EYS: variants seen among roughly 807,000 people sequenced by gnomAD.
EYS encodes protein eyes shut homolog.
Under a neutral mutation model 282.1 loss-of-function variants are expected in EYS, and 250 were observed. That is an observed-to-expected ratio of 0.89 (90% CI 0.80 to 0.98). The LOEUF (loss-of-function observed/expected upper bound fraction) is 0.98. Ranked by LOEUF, EYS falls within the 50% of genes least tolerant of loss-of-function variation. EYS has a pLI of 0.00. For synonymous variants in EYS, 1,355 were observed against 1,282.9 expected (o/e 1.06, Z -1.20); for missense variants, 4,016 against 3,709.0 (o/e 1.08, Z -2.15).
chr6:64,594,760 C>T (rs1381610413), intron 24 of EYS, among the ~76,000 whole-genome samples: 4 of 151,352 alleles, frequency 2.6e-5, no homozygotes, highest in Admixed American at 1.3e-4. Flanking sequence ...TTAATGGGTG[C>T]AGCACACCAA....
At chr6:64,428,896 T>A (rs1774496360) in intron 28 of EYS, among the ~76,000 whole-genome samples, 1 of 152,122 alleles carries the variant, frequency 6.6e-6, no homozygotes, top group Non-Finnish European at 1.5e-5. Context: ...GTACAATAGC[T>A]TCCCAGTAAT....
At chr6:65,536,108 T>C (rs998907558) in intron 2 of EYS, among the ~76,000 whole-genome samples, 1 of 152,004 alleles carries the variant, frequency 6.6e-6, no homozygotes, top group African/African-American at 2.4e-5. Flanking sequence ...TACATTCAAG[T>C]AAATATGGGG....
At chr6:63,826,845 C>CAAAAAAAAAAAAAAAAAAGAAAAAAAA (rs1771475758) in intron 36 of EYS, among the ~76,000 whole-genome samples, 41 of 76,732 alleles carry the variant, frequency 5.3e-4, no homozygotes, top group Non-Finnish European at 8.0e-4. Context: ...AGTTAAAAAG[C>CAAAAAAAAAAAAAAAAAAGAAAAAAAA]AAAAAAAAAA....
chr6:65,329,549 C>T, intron 11 of EYS: 1 of 982,610 alleles, frequency 1.0e-6, no homozygotes, highest in Non-Finnish European at 1.2e-6. Flanking sequence ...CAATATGACA[C>T]TTTCATATGC....
intron 26 of EYS, among the ~76,000 whole-genome samples, chr6:64,466,909 T>A (rs1775939150): frequency 6.6e-6 from 1 of 152,032 alleles, no homozygotes; most frequent in Non-Finnish European, 1.5e-5. Context: ...TCTAAAAAAA[T>A]CTGTTAATCT....
At chr6:65,217,990 G>C (rs1766359844) in intron 12 of EYS, among the ~76,000 whole-genome samples, 7 of 152,058 alleles carry the variant, frequency 4.6e-5, no homozygotes, top group Admixed American at 4.6e-4. Context: ...TCCATTGAGA[G>C]ATCTTGGTAA....
At chr6:63,851,831 T>C (rs1772258732) in intron 36 of EYS, among the ~76,000 whole-genome samples, 1 of 151,810 alleles carries the variant, frequency 6.6e-6, no homozygotes, top group African/African-American at 2.4e-5. Flanking sequence ...AGAGCAGAAC[T>C]GAAGGAGATA....
intron 12 of EYS, among the ~76,000 whole-genome samples, chr6:65,110,730 A>G (rs775887219): frequency 6.6e-6 from 1 of 152,120 alleles, no homozygotes; most frequent in Admixed American, 6.6e-5. Context: ...TTGACATATA[A>G]GGTACATGGA....
chr6:64,599,885 T>C (rs1766708713), intron 24 of EYS, among the ~76,000 whole-genome samples: 1 of 152,168 alleles, frequency 6.6e-6, no homozygotes, highest in Non-Finnish European at 1.5e-5. Context: ...TAAAACAATC[T>C]TGTACTCTGA....
At chr6:65,332,658 G>A (rs1769838210) in intron 11 of EYS, among the ~76,000 whole-genome samples, 2 of 151,078 alleles carry the variant, frequency 1.3e-5, no homozygotes, top group South Asian at 4.1e-4. Flanking sequence ...AAAATGAGTT[G>A]GGAAATGTTC....
intron 1 of EYS, among the ~76,000 whole-genome samples, chr6:65,672,290 G>A (rs1325670999): frequency 6.6e-6 from 1 of 151,996 alleles, no homozygotes; most frequent in African/African-American, 2.4e-5. Flanking sequence ...AGGCCAATGA[G>A]GAGAAAAAGA....
At chr6:63,872,123 C>G (rs1342364860) in intron 35 of EYS, among the ~76,000 whole-genome samples, 2 of 152,206 alleles carry the variant, frequency 1.3e-5, no homozygotes, top group Non-Finnish European at 2.9e-5. Context: ...GGAATTCTAG[C>G]AAGTTCAGCA....
chr6:64,007,649 C>G (rs899831773), intron 33 of EYS, among the ~76,000 whole-genome samples: 2 of 152,136 alleles, frequency 1.3e-5, no homozygotes, highest in African/African-American at 2.4e-5. Flanking sequence ...CCTCTTATCA[C>G]TGCTTTAGCT....
chr6:64,839,624 A>T (rs541475884), intron 19 of EYS, among the ~76,000 whole-genome samples: 96 of 152,144 alleles, frequency 6.3e-4, no homozygotes, highest in African/African-American at 2.3e-3. Context: ...ATAATTATAT[A>T]CTTGAGCCTA....
intron 33 of EYS, among the ~76,000 whole-genome samples, chr6:64,029,967 A>G (rs1291042364): frequency 6.6e-6 from 1 of 152,234 alleles, no homozygotes; most frequent in Non-Finnish European, 1.5e-5. Flanking sequence ...GTTATTGCAC[A>G]CAATGCAAAA....
rs1238129791 is a variant in EYS at position 65,663,713 on chromosome 6, G to A, written c.-447-23821C>T. On this transcript the variant is annotated intron_variant, in intron 1 of 42. Transcript: ENST00000503581. ...TATTTATTTTTTGAGACGGAGTCTC[G>A]CTCTCTTGCCCAGGCTGGAGTGCAG... Among the ~76,000 whole-genome samples, 3 of 151,924 alleles carry A rather than the reference G, an allele frequency of 2.0e-5. No homozygotes were observed. In the South Asian group the frequency reaches 6.2e-4, roughly 32 times the overall value.
intron 26 of EYS, among the ~76,000 whole-genome samples, chr6:64,461,589 T>C (rs1279311137): frequency 1.3e-5 from 2 of 152,304 alleles, no homozygotes; most frequent in African/African-American, 4.8e-5. Flanking sequence ...ATTTAAAAAA[T>C]ATTTTGCCTT....
At chr6:64,857,715 T>C (rs1453497745) in intron 19 of EYS, among the ~76,000 whole-genome samples, 2 of 152,188 alleles carry the variant, frequency 1.3e-5, no homozygotes, top group African/African-American at 4.8e-5. Flanking sequence ...TAAGTTACAT[T>C]CCCACCAGCA....
chr6:64,090,535 G>C (rs1333992592), intron 31 of EYS, among the ~76,000 whole-genome samples: 1 of 151,176 alleles, frequency 6.6e-6, no homozygotes, highest in East Asian at 1.9e-4. Flanking sequence ...CATTTTTTTT[G>C]TATGACTCAC....
Sources: gnomAD v4.1 joint callset for allele counts (sites outside exome capture counted in the v4.1 genomes callset) on GRCh38, gnomAD v4.1.1 for gene constraint, MANE v1.5 for transcripts, NCBI Gene and HGNC (gene_info 2026-07-23, HGNC 2026-07-21) for gene names.